GRM5: variants seen among roughly 807,000 people sequenced by gnomAD.
GRM5 encodes the protein glutamate metabotropic receptor 5.
Under a neutral mutation model 83.1 loss-of-function variants are expected in GRM5, and 19 were observed. The ratio of observed to expected loss-of-function variants is 0.23; its 90% confidence interval spans 0.16 to 0.34. GRM5 has a LOEUF of 0.34. Among genes scored for constraint, GRM5 ranks in the 10% least tolerant of loss-of-function variants. The pLI is 1.00. For missense variants in GRM5, 1,160 were observed against 1,588.3 expected, an observed-to-expected ratio of 0.73 and a Z score of 4.58; for synonymous variants, 675 against 633.6, an observed-to-expected ratio of 1.07 and a Z score of -0.98.
chr11:88,874,764 C>A (rs1944822914), intron 2 of GRM5, among the ~76,000 whole-genome samples: 1 of 151,850 alleles, frequency 6.6e-6, no homozygotes. Flanking sequence ...CAGACCATTA[C>A]AATAAAGCAA....
At chr11:88,892,612 G>T (rs1056384591) in intron 2 of GRM5, among the ~76,000 whole-genome samples, 2 of 151,980 alleles carry the variant, frequency 1.3e-5, no homozygotes, top group African/African-American at 4.8e-5. Flanking sequence ...ATCATAATTT[G>T]TTTTTACCAA....
chr11:88,599,848 C>G (rs962047949), intron 5 of GRM5, among the ~76,000 whole-genome samples: 6 of 151,902 alleles, frequency 3.9e-5, no homozygotes, highest in African/African-American at 1.5e-4. Context: ...CCCGTCTCTA[C>G]TAAAAATAAA....
At chr11:88,951,941 A>G (rs1444815724) in intron 2 of GRM5, among the ~76,000 whole-genome samples, 2 of 152,308 alleles carry the variant, frequency 1.3e-5, no homozygotes, top group Non-Finnish European at 2.9e-5. Context: ...TGACTGCTCT[A>G]TATTGACTGT....
intron 3 of GRM5, among the ~76,000 whole-genome samples, chr11:88,739,508 G>A (rs965878530): frequency 2.0e-5 from 3 of 151,988 alleles, no homozygotes; most frequent in African/African-American, 7.3e-5. Context: ...GAAGAATAAT[G>A]GCTGATATGG....
intron 2 of GRM5, among the ~76,000 whole-genome samples, chr11:88,967,846 C>A (rs557323798): frequency 1.3e-5 from 2 of 151,880 alleles, no homozygotes; most frequent in African/African-American, 4.8e-5. Flanking sequence ...GGAAGATGCA[C>A]CCAAGACAGA....
At chr11:89,028,549 T>C (rs1489171777) in intron 2 of GRM5, among the ~76,000 whole-genome samples, 5 of 152,168 alleles carry the variant, frequency 3.3e-5, no homozygotes, top group Non-Finnish European at 5.9e-5. Flanking sequence ...TGAGCCATGA[T>C]CATGCAACTG....
chr11:88,857,256 TG>T (rs1172665416), intron 2 of GRM5, among the ~76,000 whole-genome samples: 1 of 152,088 alleles, frequency 6.6e-6, no homozygotes, highest in Non-Finnish European at 1.5e-5. Flanking sequence ...TCACCATTAC[TG>T]GTTATTGTCA....
At chr11:88,622,248 C>A (rs995258044) in intron 4 of GRM5, among the ~76,000 whole-genome samples, 6 of 152,158 alleles carry the variant, frequency 3.9e-5, no homozygotes, top group Admixed American at 3.9e-4. Context: ...GCCCTCACAG[C>A]AAACACATAA....
chr11:88,892,547 C>G (rs1314785138), intron 2 of GRM5, among the ~76,000 whole-genome samples: 1 of 151,934 alleles, frequency 6.6e-6, no homozygotes, highest in Admixed American at 6.6e-5. Context: ...GCACTTTATG[C>G]AAATATTCAC....
At chr11:88,979,409 A>G (rs944698300) in intron 2 of GRM5, among the ~76,000 whole-genome samples, 1 of 152,246 alleles carries the variant, frequency 6.6e-6, no homozygotes, top group African/African-American at 2.4e-5. Flanking sequence ...TAACTTACAT[A>G]TTAATACATA....
intron 3 of GRM5, among the ~76,000 whole-genome samples, chr11:88,784,640 T>A (rs1040510178): frequency 6.6e-6 from 1 of 152,158 alleles, no homozygotes; most frequent in Admixed American, 6.6e-5. Context: ...CCCATTCTAT[T>A]GAATAAATAC....
chr11:88,524,420 A>G (rs1177142152), intron 9 of GRM5, among the ~76,000 whole-genome samples: 4 of 151,682 alleles, frequency 2.6e-5, no homozygotes, highest in African/African-American at 9.7e-5. Context: ...GTTTCACCAC[A>G]TTGGCTAGGC....
intron 2 of GRM5, among the ~76,000 whole-genome samples, chr11:88,981,464 A>G (rs562071607): frequency 9.8e-5 from 15 of 152,312 alleles, no homozygotes; most frequent in African/African-American, 3.6e-4. Flanking sequence ...AGCTTAATCT[A>G]GTTAATTGTG....
intron 2 of GRM5, among the ~76,000 whole-genome samples, chr11:88,994,522 T>G (rs1940110896): frequency 7.3e-6 from 1 of 137,152 alleles, no homozygotes; most frequent in East Asian, 2.1e-4. Flanking sequence ...GACAATAATA[T>G]AGACATTGTG....
At chr11:88,674,357 C>T (rs1184616638) in intron 3 of GRM5, among the ~76,000 whole-genome samples, 1 of 151,728 alleles carries the variant, frequency 6.6e-6, no homozygotes, top group African/African-American at 2.4e-5. Flanking sequence ...GTATAGTTTC[C>T]CTTTTGGATT....
At chr11:88,640,000 A>T (rs1178928126) in intron 4 of GRM5, among the ~76,000 whole-genome samples, 1 of 152,198 alleles carries the variant, frequency 6.6e-6, no homozygotes, top group African/African-American at 2.4e-5. Flanking sequence ...TCTGGAATTT[A>T]AATAAGAAAT....
chr11:88,695,256 AGTTT>A (rs921760567), intron 3 of GRM5, among the ~76,000 whole-genome samples: 1 of 152,220 alleles, frequency 6.6e-6, no homozygotes, highest in Non-Finnish European at 1.5e-5. Flanking sequence ...TGTAGAAATA[AGTTT>A]GTTTTATAAT....
At chr11:88,704,178 C>A (rs541044675) in intron 3 of GRM5, among the ~76,000 whole-genome samples, 1 of 152,152 alleles carries the variant, frequency 6.6e-6, no homozygotes, top group Admixed American at 6.6e-5. Context: ...ATAATCTAAT[C>A]CTCTTTATCT....
At chr11:88,835,298 G>A (rs866631676) in intron 3 of GRM5, among the ~76,000 whole-genome samples, 1 of 152,172 alleles carries the variant, frequency 6.6e-6, no homozygotes, top group African/African-American at 2.4e-5. Flanking sequence ...TACACTGTAA[G>A]CTAGATATGT....
Sources: gnomAD v4.1 joint callset for allele counts (sites outside exome capture counted in the v4.1 genomes callset) on GRCh38, gnomAD v4.1.1 for gene constraint, MANE v1.5 for transcripts, NCBI Gene and HGNC (gene_info 2026-07-23, HGNC 2026-07-21) for gene names.